The following ADAM22 variants were observed in gnomAD, a reference collection of about 807,000 sequenced individuals.
The protein encoded by ADAM22 is ADAM metallopeptidase domain 22.
A neutral mutation model predicts 144.6 loss-of-function variants in ADAM22; 65 were observed. The observed-to-expected ratio is 0.45, with a 90% CI of 0.37 to 0.55. The LOEUF (loss-of-function observed/expected upper bound fraction) is 0.55. Ranked by LOEUF, ADAM22 falls within the 20% of genes least tolerant of loss-of-function variation. The probability of loss-of-function intolerance (pLI) is 0.00; values close to 1 mark genes in which losing one functional copy is unlikely to be tolerated. For synonymous variants in ADAM22, 391 were observed against 412.6 expected, an observed-to-expected ratio of 0.95 and a Z score of 0.63; for missense variants, 974 against 1,184.9, an observed-to-expected ratio of 0.82 and a Z score of 2.61.
rs551431584 is a variant in ADAM22, at chr7:88,084,403, T to C, written c.390+8711T>C. ...CCAGACTGAAGGGCCAGTGGTGGTT[T>C]ATTTTTCCCTTTAAGAAAACTGCTT... On this transcript the variant is annotated intron_variant, in intron 4 of 31. Transcript: ENST00000413139. 1.4e-3 allele frequency among the ~76,000 whole-genome samples: 217 copies of C among 152,312 alleles called. 1 individual carries two copies. The highest frequency in any genetic ancestry group is 2.7e-3 in the Non-Finnish European group (187 of 68,020).
At chr7:88,162,110 A>ACC (rs984773876) in intron 22 of ADAM22, among the ~76,000 whole-genome samples, 5 of 149,956 alleles carry the variant, frequency 3.3e-5, no homozygotes, top group Non-Finnish European at 7.4e-5. Flanking sequence ...ACACACACAC[A>ACC]CACACACACA....
At chr7:88,089,393 T>G (rs2129484545) in intron 4 of ADAM22, among the ~76,000 whole-genome samples, 1 of 152,258 alleles carries the variant, frequency 6.6e-6, no homozygotes, top group African/African-American at 2.4e-5. Flanking sequence ...TTTTTTCAAG[T>G]AGGTTTTTAG....
intron 23 of ADAM22, among the ~76,000 whole-genome samples, chr7:88,163,688 G>GA (rs1000222300): frequency 2.9e-4 from 44 of 151,870 alleles, no homozygotes; most frequent in African/African-American, 9.7e-4. Context: ...CAGATGAGTA[G>GA]AAAAAAACGG....
At chr7:88,186,112 TA>T in intron 29 of ADAM22, 1 of 180,844 alleles carries the variant, frequency 5.5e-6, no homozygotes, top group South Asian at 1.3e-4. Context: ...CTATAGAGAG[TA>T]AGACAGTGGT....
At chr7:88,016,803 G>A (rs1796634912) in intron 3 of ADAM22, among the ~76,000 whole-genome samples, 1 of 152,164 alleles carries the variant, frequency 6.6e-6, no homozygotes, top group Non-Finnish European at 1.5e-5. Context: ...GAAGGATAAG[G>A]AGAGGTTGGT....
intron 3 of ADAM22, among the ~76,000 whole-genome samples, chr7:88,002,548 C>T (rs1227566303): frequency 6.6e-6 from 1 of 152,102 alleles, no homozygotes; most frequent in East Asian, 1.9e-4. Flanking sequence ...TTATTTCTTT[C>T]TCTGTGACAA....
intron 4 of ADAM22, among the ~76,000 whole-genome samples, chr7:88,083,907 A>T (rs1817690896): frequency 6.6e-6 from 1 of 151,926 alleles, no homozygotes; most frequent in African/African-American, 2.4e-5. Flanking sequence ...TTTTGTTTAT[A>T]GTTGGGAAAA....
chr7:88,187,975 C>G (rs1185141829), intron 30 of ADAM22, among the ~76,000 whole-genome samples: 1 of 151,852 alleles, frequency 6.6e-6, no homozygotes, highest in African/African-American at 2.4e-5. Flanking sequence ...CACACTGAAC[C>G]TCATACACAT....
chr7:88,170,980 G>A (rs1211994202), intron 25 of ADAM22, among the ~76,000 whole-genome samples: 2 of 151,954 alleles, frequency 1.3e-5, no homozygotes, highest in East Asian at 1.9e-4. Flanking sequence ...AAGCTTCAGC[G>A]AGTAAGTAGT....
At chr7:87,975,433 A>C (rs1345875260) in intron 2 of ADAM22, among the ~76,000 whole-genome samples, 1 of 152,180 alleles carries the variant, frequency 6.6e-6, no homozygotes, top group Non-Finnish European at 1.5e-5. Context: ...TATTGAATGA[A>C]TCAATCTGTA....
At chr7:88,147,454 G>A (rs1229041231) in intron 17 of ADAM22, among the ~76,000 whole-genome samples, 1 of 152,186 alleles carries the variant, frequency 6.6e-6, no homozygotes, top group African/African-American at 2.4e-5. Context: ...TAAAGTTTCT[G>A]TTGCAGCTCA....
chr7:87,969,821 G>A (rs553240547), intron 2 of ADAM22, among the ~76,000 whole-genome samples: 3 of 152,282 alleles, frequency 2.0e-5, no homozygotes, highest in South Asian at 4.2e-4. Context: ...AAATGCAGAT[G>A]GTTGGATTTC....
intron 3 of ADAM22, among the ~76,000 whole-genome samples, chr7:88,023,139 C>T (rs12668239): frequency 0.036 from 5,467 of 152,092 alleles, 304 homozygotes; most frequent in African/African-American, 0.12. Context: ...TTTCTTCCTT[C>T]GTTTTAATGA....
At chr7:88,167,364 G>C (rs1162649556) in intron 24 of ADAM22, among the ~76,000 whole-genome samples, 1 of 152,116 alleles carries the variant, frequency 6.6e-6, no homozygotes, top group Non-Finnish European at 1.5e-5. Context: ...CCATTCTGCT[G>C]TGATGATCCC....
chr7:88,081,474 T>C (rs917609243), intron 4 of ADAM22, among the ~76,000 whole-genome samples: 4 of 152,160 alleles, frequency 2.6e-5, no homozygotes. Context: ...CAACATAGTG[T>C]TGGAAGTTCT....
chr7:88,158,426 C>T (rs1045910943), intron 22 of ADAM22, among the ~76,000 whole-genome samples: 6 of 152,086 alleles, frequency 3.9e-5, no homozygotes. Flanking sequence ...ACAGAACTCT[C>T]CACCCAAAAA....
chr7:88,137,999 C>T (rs976308907), intron 14 of ADAM22, among the ~76,000 whole-genome samples: 2 of 151,912 alleles, frequency 1.3e-5, no homozygotes, highest in East Asian at 1.9e-4. Flanking sequence ...ACAAAAAATA[C>T]AAAAATTAAC....
chr7:88,139,216 G>A (rs561644554), intron 14 of ADAM22, among the ~76,000 whole-genome samples: 65 of 152,172 alleles, frequency 4.3e-4, no homozygotes, highest in African/African-American at 1.3e-3. Flanking sequence ...TCAGGAGTTC[G>A]AGACCAGCCT....
intron 3 of ADAM22, among the ~76,000 whole-genome samples, chr7:87,986,971 T>G (rs886213341): frequency 1.3e-5 from 2 of 152,328 alleles, no homozygotes; most frequent in East Asian, 3.9e-4. Context: ...TATATTTTTG[T>G]GCAACAGATT....
Sources: allele counts gnomAD v4.1 joint callset (sites outside exome capture counted in the v4.1 genomes callset), GRCh38; gene constraint gnomAD v4.1.1; transcripts MANE v1.5; gene names NCBI Gene and HGNC (gene_info 2026-07-23, HGNC 2026-07-21).